Variants in RBM47 observed in about 807,000 individuals in gnomAD.
RBM47 encodes the protein RNA binding motif protein 47.
RBM47 carries 21 observed loss-of-function variants against 47.1 expected under a neutral mutation model. The ratio of observed to expected loss-of-function variants is 0.45; its 90% CI spans 0.32 to 0.64. The LOEUF (loss-of-function observed/expected upper bound fraction) is 0.64. Among genes scored for constraint, RBM47 ranks in the 30% least tolerant of loss-of-function variants. The probability of loss-of-function intolerance (pLI) is 0.05; values close to 1 mark genes in which losing one functional copy is unlikely to be tolerated. For synonymous variants in RBM47, 375 were observed against 361.7 expected (o/e 1.04, Z -0.42); for missense variants, 708 against 870.9 (o/e 0.81, Z 2.35).
chr4:40,579,686 G>A (rs1732694992), intron 1 of RBM47, among the ~76,000 whole-genome samples: 1 of 151,814 alleles, frequency 6.6e-6, no homozygotes, highest in Admixed American at 6.6e-5. Context: ...AAGAAGCTCT[G>A]AAGCATTTTT....
At chr4:40,470,857 C>T (rs1718752608) in intron 2 of RBM47, among the ~76,000 whole-genome samples, 1 of 152,160 alleles carries the variant, frequency 6.6e-6, no homozygotes, top group African/African-American at 2.4e-5. Context: ...ATTCTCCTGC[C>T]TCAGCCTCCC....
chr4:40,463,903 G>A (rs1016080197), intron 3 of RBM47, among the ~76,000 whole-genome samples: 1 of 152,006 alleles, frequency 6.6e-6, no homozygotes, highest in Admixed American at 6.6e-5. Context: ...CATATATGAT[G>A]CGTGGGGATA....
chr4:40,467,348 T>C (rs530567688), intron 2 of RBM47, among the ~76,000 whole-genome samples: 1 of 150,802 alleles, frequency 6.6e-6, no homozygotes, highest in Non-Finnish European at 1.5e-5. Context: ...GGAGTGCAGT[T>C]GCGTAGTCTC....
intron 1 of RBM47, among the ~76,000 whole-genome samples, chr4:40,602,645 T>TA (rs535210913): frequency 0.18 from 21,618 of 122,680 alleles, 2,269 homozygotes; most frequent in African/African-American, 0.32. Flanking sequence ...AGAATCCGTT[T>TA]AAAAAAAAAA....
At chr4:40,442,896 ACTC>A (rs774823089) in intron 3 of RBM47, among the ~76,000 whole-genome samples, 7 of 151,554 alleles carry the variant, frequency 4.6e-5, no homozygotes, top group Non-Finnish European at 7.4e-5. Flanking sequence ...CTGGTCTTGA[ACTC>A]CTGACCTCAG....
intron 2 of RBM47, among the ~76,000 whole-genome samples, chr4:40,503,646 G>T (rs1428640961): frequency 6.6e-6 from 1 of 152,038 alleles, no homozygotes; most frequent in Non-Finnish European, 1.5e-5. Flanking sequence ...GTTATTTTTA[G>T]AAATAATATG....
chr4:40,581,477 T>C (rs1399709619), intron 1 of RBM47, among the ~76,000 whole-genome samples: 1 of 139,608 alleles, frequency 7.2e-6, no homozygotes, highest in African/African-American at 2.8e-5. Context: ...AAAGGAGAGG[T>C]CATTGGAGAG....
chr4:40,447,009 G>C (rs1290003350), intron 3 of RBM47, among the ~76,000 whole-genome samples: 1 of 152,108 alleles, frequency 6.6e-6, no homozygotes, highest in Non-Finnish European at 1.5e-5. Flanking sequence ...ATGCATCCAT[G>C]TGTAAGCCTG....
chr4:40,609,440 G>T (rs947385956), intron 1 of RBM47, among the ~76,000 whole-genome samples: 2 of 151,340 alleles, frequency 1.3e-5, no homozygotes, highest in African/African-American at 4.9e-5. Flanking sequence ...AGCCTCTAGA[G>T]TAAGTGGGAT....
intron 1 of RBM47, among the ~76,000 whole-genome samples, chr4:40,598,695 T>C (rs948133807): frequency 6.6e-6 from 1 of 152,208 alleles, no homozygotes; most frequent in African/African-American, 2.4e-5. Flanking sequence ...CTGAAAATGA[T>C]GTAATATAGT....
At chr4:40,556,255 C>G (rs1466572639) in intron 1 of RBM47, among the ~76,000 whole-genome samples, 1 of 151,928 alleles carries the variant, frequency 6.6e-6, no homozygotes, top group African/African-American at 2.4e-5. Flanking sequence ...AGACTGTTCT[C>G]CATCTCCTGA....
chr4:40,436,716 C>A (rs750259638), intron 4 of RBM47, 69 bp from the exon 5 acceptor site: 10 of 1,492,032 alleles, frequency 6.7e-6, no homozygotes, highest in African/African-American at 2.8e-5. Flanking sequence ...CCTCAGCCCT[C>A]GGTTCTCGGC....
intron 2 of RBM47, among the ~76,000 whole-genome samples, chr4:40,482,540 AC>A (rs974769929): frequency 3.3e-5 from 5 of 152,110 alleles, no homozygotes; most frequent in Non-Finnish European, 1.5e-5. Flanking sequence ...AGGTGTAAGC[AC>A]CTGGCCTAGC....
intron 1 of RBM47, among the ~76,000 whole-genome samples, chr4:40,587,162 G>T (rs904005075): frequency 6.6e-6 from 1 of 152,144 alleles, no homozygotes; most frequent in African/African-American, 2.4e-5. Flanking sequence ...CTGGGGCTGA[G>T]GAGGAGGAGG....
chr4:40,611,677 G>A (rs1979460), intron 1 of RBM47, among the ~76,000 whole-genome samples: 1,793 of 152,104 alleles, frequency 0.012, 39 homozygotes, highest in African/African-American at 0.041. Flanking sequence ...GCGGTGAGCC[G>A]AGATCGCACC....
intron 2 of RBM47, among the ~76,000 whole-genome samples, chr4:40,484,609 C>A (rs771992521): frequency 2.0e-5 from 3 of 152,206 alleles, no homozygotes; most frequent in Non-Finnish European, 4.4e-5. Flanking sequence ...AGCTGCAAAT[C>A]TCTGGTTAAC....
At chr4:40,615,482 T>C (rs894528586) in intron 1 of RBM47, among the ~76,000 whole-genome samples, 8 of 152,154 alleles carry the variant, frequency 5.3e-5, no homozygotes, top group Admixed American at 5.2e-4. Context: ...GTTGCTTTCT[T>C]ATTAAAAACA....
chr4:40,446,945 T>C (rs1043595545), intron 3 of RBM47, among the ~76,000 whole-genome samples: 1 of 152,120 alleles, frequency 6.6e-6, no homozygotes, highest in Non-Finnish European at 1.5e-5. Flanking sequence ...CCCAGATTCC[T>C]TTCATAGCAG....
chr4:40,489,675 C>T (rs774798508), intron 2 of RBM47, among the ~76,000 whole-genome samples: 2 of 152,106 alleles, frequency 1.3e-5, no homozygotes, highest in African/African-American at 2.4e-5. Flanking sequence ...GAATTTGTAA[C>T]ATAAAAATTT....
Sources: gnomAD v4.1 joint callset for allele counts (sites outside exome capture counted in the v4.1 genomes callset) on GRCh38, gnomAD v4.1.1 for gene constraint, MANE v1.5 for transcripts, NCBI Gene and HGNC (gene_info 2026-07-23, HGNC 2026-07-21) for gene names.